The following OLFM2 variants were observed in gnomAD, a reference collection of about 807,000 sequenced individuals.
OLFM2 encodes the protein noelin-2.
OLFM2 carries 20 observed loss-of-function variants against 43.9 expected under a neutral mutation model. That is an observed-to-expected ratio of 0.46 (90% CI 0.32 to 0.66). The LOEUF (loss-of-function observed/expected upper bound fraction) is 0.66. Ranked by LOEUF, OLFM2 falls within the 30% of genes least tolerant of loss-of-function variation. The probability of loss-of-function intolerance (pLI) is 0.04; values close to 1 mark genes in which losing one functional copy is unlikely to be tolerated. For missense variants in OLFM2, 416 were observed against 643.6 expected (o/e 0.65, Z 3.83); for synonymous variants, 268 against 278.6 (o/e 0.96, Z 0.38).
chr19:9,860,520 T>A, intron 2 of OLFM2, 125 bp downstream of exon 2: 6 of 937,510 alleles, frequency 6.4e-6, no homozygotes, highest in Non-Finnish European at 7.9e-6. Context: ...AGCTGGATTA[T>A]CAGCCAGCTC....
intron 1 of OLFM2, among the ~76,000 whole-genome samples, chr19:9,902,319 C>T (rs951801772): frequency 6.6e-6 from 1 of 151,792 alleles, no homozygotes; most frequent in Non-Finnish European, 1.5e-5. Flanking sequence ...TGAGCCACTG[C>T]GCCCAGCCGA....
At chr19:9,877,168 T>C (rs1328049880) in intron 1 of OLFM2, among the ~76,000 whole-genome samples, 2 of 146,940 alleles carry the variant, frequency 1.4e-5, no homozygotes, top group Non-Finnish European at 3.0e-5. Flanking sequence ...AGGTGAAGGT[T>C]GCGATGAGCC....
intron 1 of OLFM2, among the ~76,000 whole-genome samples, chr19:9,877,730 C>G (rs926522678): frequency 3.3e-5 from 5 of 152,152 alleles, no homozygotes; most frequent in African/African-American, 1.2e-4. Flanking sequence ...TTTCCTCTCT[C>G]TGTGTCACTT....
At chr19:9,914,194 G>C (rs1233893276) in intron 1 of OLFM2, among the ~76,000 whole-genome samples, 1 of 151,832 alleles carries the variant, frequency 6.6e-6, no homozygotes, top group East Asian at 2.0e-4. Context: ...GGCCCACCCC[G>C]GCCACCCAAA....
chr19:9,896,869 T>G lies in OLFM2; in HGVS notation c.64-36075A>C, dbSNP rs144885772. ...CCATGTCTGTTTGGTTGAATATAAT[T>G]TCTCCCTTAAAAGCATATAAGAAGT... On this transcript the variant is annotated intron_variant, in intron 1 of 5. Coordinates refer to ENST00000264833, the MANE Select transcript of OLFM2 (RefSeq NM_058164.4). Among the ~76,000 whole-genome samples the G allele has an allele frequency of 3.0e-3, 450 of 152,298 alleles. 2 individuals carry two copies. The highest frequency in any genetic ancestry group is 0.01 in the African/African-American group (431 of 41,574).
chr19:9,878,110 T>C (rs1378101202), intron 1 of OLFM2, among the ~76,000 whole-genome samples: 13 of 152,140 alleles, frequency 8.5e-5, no homozygotes, highest in African/African-American at 3.1e-4. Flanking sequence ...CTTGGCTGCC[T>C]AGGTGCTCGG....
In OLFM2 at chr19:9,860,737, CAG is replaced by C. The variant is rs764356089; in HGVS notation, c.119_120del (p.Pro40ArgfsTer43). Reference protein sequence around the residue: ...GWQLYTSAQAPDGKCICTAVI... With the variant: ...GWQLYTSAQAXDGKCICTAVI... ...ACGGCCGTGCAGATGCATTTCCCGT[CAG>C]GGGCCTGGGCTGAGGTGTACAGCTG... On this transcript the variant is annotated frameshift_variant, in exon 2 of 6. Coordinates refer to ENST00000264833, the MANE Select transcript of OLFM2 (RefSeq NM_058164.4). LOFTEE classifies it high-confidence loss of function. The C allele has an allele frequency of 6.2e-7, 1 of 1,609,558 alleles. No individual in the cohort carries two copies. The highest frequency in any genetic ancestry group is 8.5e-7 in the Non-Finnish European group (1 of 1,178,202).
intron 1 of OLFM2, among the ~76,000 whole-genome samples, chr19:9,895,102 A>C (rs1346041222): frequency 1.3e-5 from 2 of 151,862 alleles, no homozygotes; most frequent in Non-Finnish European, 2.9e-5. Context: ...CCCTCACCAA[A>C]TCCTACTGAT....
chr19:9,909,570 C>A (rs368737474), intron 1 of OLFM2, among the ~76,000 whole-genome samples: 1 of 95,598 alleles, frequency 1.0e-5, no homozygotes, highest in Non-Finnish European at 2.3e-5. Context: ...CAAGGCTCTA[C>A]GCTCACCGCC....
At chr19:9,898,060 G>A (rs2046701434) in intron 1 of OLFM2, among the ~76,000 whole-genome samples, 1 of 142,756 alleles carries the variant, frequency 7.0e-6, no homozygotes, top group Non-Finnish European at 1.5e-5. Flanking sequence ...GCATGCTACT[G>A]TGCCCAGCTA....
intron 1 of OLFM2, among the ~76,000 whole-genome samples, chr19:9,924,908 G>A (rs561225460): frequency 2.8e-4 from 42 of 151,568 alleles, no homozygotes; most frequent in Non-Finnish European, 4.6e-4. Flanking sequence ...ATATATATGC[G>A]TGTATATATA....
intron 1 of OLFM2, among the ~76,000 whole-genome samples, chr19:9,863,393 T>C (rs779285920): frequency 7.9e-5 from 12 of 151,992 alleles, no homozygotes; most frequent in Non-Finnish European, 1.6e-4. Flanking sequence ...GTGTTCACAG[T>C]GACCTCTGGC....
At chr19:9,915,962 T>C (rs987667288) in intron 1 of OLFM2, among the ~76,000 whole-genome samples, 1 of 152,172 alleles carries the variant, frequency 6.6e-6, no homozygotes, top group Non-Finnish European at 1.5e-5. Context: ...GCCAGTGTAG[T>C]TGGAGTGAGC....
At chr19:9,905,293 G>A (rs985210414) in intron 1 of OLFM2, among the ~76,000 whole-genome samples, 6 of 151,832 alleles carry the variant, frequency 4.0e-5, no homozygotes, top group Admixed American at 1.3e-4. Context: ...CCGTCTCTAC[G>A]AAAAATACAA....
At chr19:9,879,118 G>A (rs2046516926) in intron 1 of OLFM2, among the ~76,000 whole-genome samples, 1 of 152,112 alleles carries the variant, frequency 6.6e-6, no homozygotes, top group Non-Finnish European at 1.5e-5. Context: ...TAAGGAGTGA[G>A]TTCTTATGAG....
In OLFM2 at chr19:9,854,945, T is replaced by G; in HGVS notation, c.688-82A>C. On this transcript the variant is annotated intron_variant, in intron 5 of 5. Transcript: ENST00000264833. This position sits in a 1 kb window ranked among gnomAD's most constrained non-coding sequence, Gnocchi z 9.5. ...CAGCACCAGCTACAGCCATTAGAGT[T>G]CAACAGTCACTAAGTGGTCATTAGT... 1 of 1,093,664 alleles carries G rather than the reference T, an allele frequency of 9.1e-7. No homozygotes were observed. The highest frequency in any genetic ancestry group is 1.6e-5 in the South Asian group (1 of 61,262). 67.7% of individuals were successfully genotyped at this position (1,093,664 alleles called of 1,614,324 possible). A position where few individuals can be genotyped will look rare whatever the true frequency, so the allele number is the denominator to read the frequency against.
intron 1 of OLFM2, among the ~76,000 whole-genome samples, chr19:9,906,064 A>G (rs753990080): frequency 5.9e-5 from 9 of 152,130 alleles, no homozygotes; most frequent in Non-Finnish European, 1.3e-4. Flanking sequence ...CAAACATGCT[A>G]TGACACGCTC....
intron 1 of OLFM2, among the ~76,000 whole-genome samples, chr19:9,872,136 G>A (rs928077563): frequency 2.0e-5 from 3 of 152,180 alleles, no homozygotes; most frequent in Non-Finnish European, 4.4e-5. Flanking sequence ...CCTTTGGAAA[G>A]CTTGAGATAA....
At chr19:9,893,736 T>C (rs763871941) in intron 1 of OLFM2, among the ~76,000 whole-genome samples, 7 of 152,184 alleles carry the variant, frequency 4.6e-5, no homozygotes, top group Non-Finnish European at 7.3e-5. Context: ...TCAGGATTAA[T>C]GAGGGTAAGG....
Sources: allele counts gnomAD v4.1 joint callset (sites outside exome capture counted in the v4.1 genomes callset), GRCh38; gene constraint gnomAD v4.1.1; non-coding constraint Gnocchi (gnomAD v3.1); transcripts MANE v1.5; gene names NCBI Gene and HGNC (gene_info 2026-07-23, HGNC 2026-07-21).